The following WDR18 variants were observed in gnomAD, a reference collection of about 807,000 sequenced individuals.
WDR18 encodes the protein WD repeat-containing protein 18.
A neutral mutation model predicts 49.6 loss-of-function variants in WDR18; 33 were observed. The ratio of observed to expected loss-of-function variants is 0.67; its 90% CI spans 0.50 to 0.89. WDR18 has a LOEUF of 0.89. WDR18 is among the 40% of genes least tolerant of loss of function. The pLI is 0.00. For synonymous variants in WDR18, 315 were observed against 263.6 expected, an observed-to-expected ratio of 1.19 and a Z score of -1.89; for missense variants, 653 against 593.6, an observed-to-expected ratio of 1.10 and a Z score of -1.04.
chr19:987,577 G>A (rs1231273310), intron 2 of WDR18, among the ~76,000 whole-genome samples: 3 of 152,062 alleles, frequency 2.0e-5, no homozygotes, highest in East Asian at 1.9e-4. Flanking sequence ...CTCACTCCAT[G>A]ATTTTGAAAC....
At chr19:993,946 C>T (rs958672027) in intron 8 of WDR18, 74 bp from the exon 9 acceptor site, 106 of 1,509,146 alleles carry the variant, frequency 7.0e-5, no homozygotes, top group Middle Eastern at 1.8e-4. Flanking sequence ...CCCACGCTGG[C>T]GGGGGTGGGA....
At chr19:984,317 C>G, upstream of WDR18, 2 of 1,545,222 alleles carry the variant, frequency 1.3e-6, no homozygotes, top group South Asian at 1.2e-5. Flanking sequence ...GCGTCTCGCT[C>G]ATGATGACGC....
intron 8 of WDR18, among the ~76,000 whole-genome samples, chr19:992,556 G>C (rs953458762): frequency 6.6e-6 from 1 of 152,248 alleles, no homozygotes; most frequent in African/African-American, 2.4e-5. Flanking sequence ...TCCCACGTGG[G>C]CTGGGGGCAG....
In WDR18 at chr19:994,473, TC is replaced by T; in HGVS notation, c.*131del. The T allele has an allele frequency of 1.5e-6, 2 of 1,358,108 alleles. No individual in the cohort carries two copies. The highest frequency in any genetic ancestry group is 5.2e-5 in the Admixed American group (2 of 38,586). 84.1% of individuals were successfully genotyped at this position (1,358,108 alleles called of 1,614,324 possible). A position where few individuals can be genotyped will look rare whatever the true frequency, so the allele number is the denominator to read the frequency against. ...CAGTTCTGTGTCGTGTTCGGGTTTT[TC>T]CTCTGTGACTGGGCCGTCTTGGTGT... On this transcript the variant is annotated 3_prime_UTR_variant, in exon 10 of 10. Transcript: ENST00000585809.
chr19:988,336 G>A (rs2285902), intron 2 of WDR18, among the ~76,000 whole-genome samples: 69,328 of 151,968 alleles, frequency 0.46, 16,623 homozygotes, highest in Non-Finnish European at 0.54. Context: ...GAGCTGGTCC[G>A]CCCCTCCCAC....
chr19:986,560 C>T (rs1004914310), intron 2 of WDR18, among the ~76,000 whole-genome samples: 5 of 152,182 alleles, frequency 3.3e-5, no homozygotes, highest in African/African-American at 7.2e-5. Context: ...TGAGCCACCG[C>T]GCCCGGCCAG....
chr19:984,713 C>G (rs1050270227), intron 1 of WDR18, 150 bp downstream of exon 1: 1 of 907,822 alleles, frequency 1.1e-6, no homozygotes, highest in South Asian at 2.1e-5. Context: ...ATGCGCGGGT[C>G]TGGGGGCTTT....
In WDR18 at chr19:985,879, G is replaced by C; in HGVS notation, c.225G>C (p.Gln75His). ...WELQRKDQLQ[Q>H]KIMCPGPVTC... ...TGCATCCTTAGGACCAGCTCCAGCA[G>C]AAGATCATGTGCCCCGGGCCTGTCA... Residue 75 changes from glutamine (Q) to histidine (H), a missense_variant, in exon 2 of 10, where the codon CAG (glutamine) becomes CAC (histidine). Transcript: ENST00000585809. 6.2e-7 allele frequency: 1 copy of C among 1,613,896 alleles called. No individual in the cohort carries two copies. Among genetic ancestry groups the C allele is most frequent in the Non-Finnish European group, 8.5e-7 (1 of 1,179,978 alleles).
At position 984,517 on chromosome 19, in the gene WDR18, C is replaced by A. The variant is rs1440488689; in HGVS notation, c.164C>A (p.Ala55Glu). 6.5e-7 allele frequency: 1 copy of A among 1,541,064 alleles called. No homozygotes were observed. ...ALLNGEYLLA[A>E]QLGKNYISAW... Reference sequence around the variant, plus strand: ...CTCAATGGCGAGTATCTGCTGGCGGCGCAGCTGGGCAAGAATTACATCAGC... The same window carrying A: ...CTCAATGGCGAGTATCTGCTGGCGGAGCAGCTGGGCAAGAATTACATCAGC... Residue 55 changes from alanine (A) to glutamate (E), a missense_variant, in exon 1 of 10, where the codon GCG becomes GAG. Ala to Glu is a moderately radical substitution (Grantham distance 107, BLOSUM62 -1). Transcript: ENST00000585809.
At chr19:984,595 T>G (rs1245300118) in intron 1 of WDR18, 32 bp downstream of exon 1, 2 of 1,392,396 alleles carry the variant, frequency 1.4e-6, no homozygotes, top group Non-Finnish European at 9.3e-7. Context: ...GCTGGGGTCA[T>G]GGGGCGCCCG....
rs147767441 is a variant in WDR18 at position 987,471 on chromosome 19, G to A, written c.321+1496G>A. On this transcript the variant is annotated intron_variant, in intron 2 of 9. Coordinates refer to ENST00000585809, the MANE Select transcript of WDR18 (RefSeq NM_024100.4). ...TGAGATGGGGTCTCACTACATTGCC[G>A]TAGCTGCTCTTGAACTCCTGGGCTC... Among the ~76,000 whole-genome samples the A allele has an allele frequency of 2.0e-3, 299 of 152,280 alleles. 1 individual carries two copies. The highest frequency in any genetic ancestry group is 6.6e-3 in the African/African-American group (275 of 41,550).
chr19:983,302 A>G (rs759651331), upstream of WDR18, among the ~76,000 whole-genome samples: 41 of 151,996 alleles, frequency 2.7e-4, no homozygotes, highest in Admixed American at 2.2e-3. Flanking sequence ...TAAATAATAG[A>G]TATATGTTTT....
At chr19:991,890 A>T in intron 7 of WDR18, 65 bp from the exon 8 acceptor site, 2 of 1,353,206 alleles carry the variant, frequency 1.5e-6, no homozygotes, top group Non-Finnish European at 1.9e-6. Context: ...ATGGGGCGGA[A>T]CTTGGCTTGC....
At position 990,804 on chromosome 19, in the gene WDR18, C is replaced by G. The variant is rs777326221; in HGVS notation, c.598-48C>G. The G allele has an allele frequency of 7.1e-6, 11 of 1,551,520 alleles. No homozygotes were observed. The South Asian group carries it at 1.2e-4, about 17-fold the overall frequency. ...GGTGCCCCTGTTCCCATGGGGTCCT[C>G]GGGTTCCCCCTGCCGGGCCGAGCCC... is the stretch of plus-strand genomic sequence containing the variant. On this transcript the variant is annotated intron_variant, in intron 4 of 9. Coordinates refer to ENST00000585809, the MANE Select transcript of WDR18 (RefSeq NM_024100.4).
intron 1 of WDR18, among the ~76,000 whole-genome samples, 160 bp from the exon 2 acceptor site, chr19:985,705 C>T (rs556851967): frequency 6.6e-6 from 1 of 152,286 alleles, no homozygotes; most frequent in Non-Finnish European, 1.5e-5. Context: ...CGAACACTTC[C>T]TTGCTGGACC....
rs780668097 is a variant in WDR18, at chr19:984,557, G to C, written c.204G>C (p.Gln68His). The C allele has an allele frequency of 1.9e-5, 28 of 1,477,498 alleles. No individual in the cohort carries two copies. Among genetic ancestry groups the C allele is most frequent in the Non-Finnish European group, 2.3e-5 (26 of 1,112,742 alleles). 91.5% of individuals were successfully genotyped at this position (1,477,498 alleles called of 1,614,324 possible). ...GKNYISAWEL[Q>H]RKDQLQQKIM... is the part of the protein sequence containing the mutation. ...ATTACATCAGCGCCTGGGAGCTCCA[G>C]CGGAAGGTGCGGCGGTGCGGTCTCG... The change falls in exon 1 of 10, where the codon CAG becomes CAC. Residue 68 changes from glutamine to histidine, a missense_variant. Physicochemically the swap from Gln to His is conservative, Grantham distance 24 (BLOSUM62 0). Coordinates refer to ENST00000585809, the MANE Select transcript of WDR18 (RefSeq NM_024100.4).
At chr19:987,838 T>TTTTC (rs1245692812) in intron 2 of WDR18, among the ~76,000 whole-genome samples, 4 of 136,908 alleles carry the variant, frequency 2.9e-5, no homozygotes, top group Non-Finnish European at 4.7e-5. Context: ...AGTTTTTTTT[T>TTTTC]TTTTTTTTTT....
rs1168625017 is a variant in WDR18, at chr19:990,773, C to T, written c.598-79C>T. 3.3e-6 allele frequency: 5 copies of T among 1,511,910 alleles called. No homozygotes were observed. The Admixed American group carries it at 1.1e-4, about 33-fold the overall frequency. 93.7% of individuals were successfully genotyped at this position (1,511,910 alleles called of 1,614,324 possible). A position where few individuals can be genotyped will look rare whatever the true frequency, so the allele number is the denominator to read the frequency against. On this transcript the variant is annotated intron_variant, in intron 4 of 9. Transcript: ENST00000585809. The stretch of plus-strand genomic sequence containing the variant: ...GGCCAGAGGACAGCCGACGCCTGAC[C>T]TCCCTGGTGCCCCTGTTCCCATGGG...
At chr19:989,611 C>T (rs1290584130) in intron 2 of WDR18, 151 bp from the exon 3 acceptor site, 1 of 1,193,316 alleles carries the variant, frequency 8.4e-7, no homozygotes, top group African/African-American at 1.5e-5. Flanking sequence ...GGCCGCTGCC[C>T]TGACAGGGTC....
Sources: allele counts gnomAD v4.1 joint callset (sites outside exome capture counted in the v4.1 genomes callset), GRCh38; gene constraint gnomAD v4.1.1; transcripts MANE v1.5; gene names NCBI Gene and HGNC (gene_info 2026-07-23, HGNC 2026-07-21).